The following RHCG variants were observed in gnomAD, a reference collection of about 807,000 sequenced individuals.
The protein encoded by RHCG is ammonium transporter Rh type C.
In RHCG, 39 loss-of-function variants were observed where a neutral mutation model predicts 55.3. That is an observed-to-expected ratio of 0.70 (90% CI 0.55 to 0.92). The LOEUF (loss-of-function observed/expected upper bound fraction) is 0.92. Ranked by LOEUF, RHCG falls within the 40% of genes least tolerant of loss-of-function variation. The probability of loss-of-function intolerance (pLI) is 0.00; values close to 1 mark genes in which losing one functional copy is unlikely to be tolerated. For synonymous variants in RHCG, 250 were observed against 246.8 expected, an observed-to-expected ratio of 1.01 and a Z score of -0.12; for missense variants, 635 against 627.9, an observed-to-expected ratio of 1.01 and a Z score of -0.12.
intron 9 of RHCG, among the ~76,000 whole-genome samples, chr15:89,476,460 C>G (rs1185234005): frequency 6.6e-6 from 1 of 152,148 alleles, no homozygotes; most frequent in Non-Finnish European, 1.5e-5. Context: ...CTGACTGAGT[C>G]TTTAGGGACA....
chr15:89,475,152 T>TG (rs1179332250), intron 9 of RHCG, among the ~76,000 whole-genome samples: 10 of 134,376 alleles, frequency 7.4e-5, no homozygotes, highest in Non-Finnish European at 1.5e-4. Context: ...CTTCATTCCT[T>TG]CCTTCCTTCC....
chr15:89,483,206 G>A lies in RHCG; in HGVS notation c.383C>T (p.Ala128Val). Reference sequence around the variant, plus strand: ...GCAGACAGAGGCCACGCAGAAGTCAGCGTTGATGAGGCTGTGGGGAGACAG... The same window carrying A: ...GCAGACAGAGGCCACGCAGAAGTCAACGTTGATGAGGCTGTGGGGAGACAG... ...IVVGVENLIN[A>V]DFCVASVCVA... The change falls in exon 3 of 11, where the codon GCT (alanine) becomes GTT (valine). Residue 128 changes from alanine (A) to valine (V), a missense_variant. Ala to Val is a moderately conservative substitution (Grantham distance 64). Coordinates refer to ENST00000268122, the MANE Select transcript of RHCG (RefSeq NM_016321.3). 6.3e-7 allele frequency: 1 copy of A among 1,575,470 alleles called. No individual in the cohort carries two copies. The highest frequency in any genetic ancestry group is 8.7e-7 in the Non-Finnish European group (1 of 1,149,492).
intron 3 of RHCG, among the ~76,000 whole-genome samples, chr15:89,482,717 C>A (rs560006773): frequency 6.6e-6 from 1 of 152,340 alleles, no homozygotes; most frequent in East Asian, 1.9e-4. Flanking sequence ...CTTCAATACA[C>A]CGGATTCCTT....
chr15:89,495,681 G>A (rs1018789222), intron 1 of RHCG, among the ~76,000 whole-genome samples: 1 of 152,114 alleles, frequency 6.6e-6, no homozygotes, highest in Non-Finnish European at 1.5e-5. Flanking sequence ...GCACTTCCTC[G>A]CCACAGCCTC....
At chr15:89,480,214 C>G in intron 4 of RHCG, 47 bp downstream of exon 4, 1 of 1,611,126 alleles carries the variant, frequency 6.2e-7, no homozygotes. Context: ...CCATCATGGC[C>G]ACCTTCACCC....
At chr15:89,474,804 G>GCCTT (rs1168116234) in intron 9 of RHCG, among the ~76,000 whole-genome samples, 1 of 88,080 alleles carries the variant, frequency 1.1e-5, no homozygotes, top group Non-Finnish European at 2.3e-5. Context: ...CTTCCTGCCT[G>GCCTT]CCTTCCTTCC....
Position 89,496,394 on chromosome 15 carries a change from C to A in RHCG, c.151G>T (p.Asp51Tyr), listed in dbSNP as rs1456218338. ...CGATAGTAGAATTCGTTCTCCATGT[C>A]GCTCAAGTTCTTGTGCGTCCTCTCT... ...WSERTHKNLS[D>Y]MENEFYYRYP... Residue 51 changes from aspartate to tyrosine, a missense_variant, in exon 1 of 11, where the codon GAC (aspartate) becomes TAC (tyrosine). Transcript: ENST00000268122. The A allele has an allele frequency of 1.2e-6, 2 of 1,613,914 alleles. No homozygotes were observed. Among genetic ancestry groups the A allele is most frequent in the East Asian group, 4.5e-5 (2 of 44,886 alleles).
chr15:89,495,297 T>A (rs1395622473), intron 1 of RHCG, among the ~76,000 whole-genome samples: 1 of 152,106 alleles, frequency 6.6e-6, no homozygotes, highest in Non-Finnish European at 1.5e-5. Context: ...TGTGCAGTTG[T>A]TTTCTTGGAG....
At chr15:89,472,239 C>T (rs1012054042) in intron 10 of RHCG, among the ~76,000 whole-genome samples, 1 of 152,138 alleles carries the variant, frequency 6.6e-6, no homozygotes, top group African/African-American at 2.4e-5. Flanking sequence ...GATGTGAAAG[C>T]CATGAGCAAG....
chr15:89,494,408 C>G (rs893719), intron 1 of RHCG, among the ~76,000 whole-genome samples: 4,427 of 152,212 alleles, frequency 0.029, 222 homozygotes, highest in African/African-American at 0.099. Flanking sequence ...AAATTACTAC[C>G]AGCACCACCT....
chr15:89,477,130 C>G lies in RHCG; in HGVS notation c.1189G>C (p.Gly397Arg), dbSNP rs2141889109. ...ARTQGKFQIY[G>R]LLVTLAMALM... The stretch of plus-strand genomic sequence containing the variant: ...GCCATGGCCAGGGTCACCAAGAGAC[C>G]ATAAATCTGGAACTTTCCCTGTGTT... Residue 397 changes from glycine to arginine, a missense_variant, in exon 8 of 11, where the codon GGT (glycine) becomes CGT (arginine). Gly to Arg is a moderately radical substitution (Grantham distance 125). Coordinates refer to ENST00000268122, the MANE Select transcript of RHCG (RefSeq NM_016321.3). The surrounding 1 kb of genome is among the most constrained non-coding windows in gnomAD (Gnocchi z 4.5). 1 of 1,614,060 alleles carries G rather than the reference C, an allele frequency of 6.2e-7. No homozygotes were observed. Among genetic ancestry groups the G allele is most frequent in the East Asian group, 2.2e-5 (1 of 44,856 alleles).
rs993769670 is a variant in RHCG, at chr15:89,475,176, TCCTG to T, written c.1311+1575_1311+1578del. ...TTCCTTCCTTCCTGCCTGCCTGCCT[TCCTG>T]CCTGCCTGCCTTCCTTCCTTCTTTC... On this transcript the variant is annotated intron_variant, in intron 9 of 10. Transcript: ENST00000268122. 1.2e-4 allele frequency among the ~76,000 whole-genome samples: 18 copies of T among 148,134 alleles called. 1 individual carries two copies. The highest frequency in any genetic ancestry group is 2.0e-4 in the Admixed American group (3 of 14,818).
chr15:89,477,325 G>A lies in RHCG; in HGVS notation c.1113-119C>T. Reference sequence around the variant, plus strand: ...TCAGCCTTCCCACCCACAACATGGGGACACCGGACATATCAGTTGGCCTCT... The same window carrying A: ...TCAGCCTTCCCACCCACAACATGGGAACACCGGACATATCAGTTGGCCTCT... On this transcript the variant is annotated intron_variant, in intron 7 of 10. Transcript: ENST00000268122. This position sits in a 1 kb window ranked among gnomAD's most constrained non-coding sequence, Gnocchi z 4.5. 6.9e-7 allele frequency: 1 copy of A among 1,443,972 alleles called. No homozygotes were observed. Among genetic ancestry groups the A allele is most frequent in the South Asian group, 1.3e-5 (1 of 79,240 alleles). 89.4% of individuals were successfully genotyped at this position (1,443,972 alleles called of 1,614,324 possible). A position where few individuals can be genotyped will look rare whatever the true frequency, so the allele number is the denominator to read the frequency against.
Position 89,477,747 on chromosome 15 carries a change from A to C in RHCG, c.975+90T>G. 6.2e-7 allele frequency: 1 copy of C among 1,603,564 alleles called. No individual in the cohort carries two copies. The highest frequency in any genetic ancestry group is 8.5e-7 in the Non-Finnish European group (1 of 1,172,520). ...AGAGACCCAGGATTCTCTAGCCCTC[A>C]GCCCCCTCCCTAGGAACCCTCAGCT... On this transcript the variant is annotated intron_variant, in intron 6 of 10. Transcript: ENST00000268122. The surrounding 1 kb of genome is among the most constrained non-coding windows in gnomAD (Gnocchi z 4.5).
chr15:89,495,309 T>C (rs1192806489), intron 1 of RHCG, among the ~76,000 whole-genome samples: 2 of 152,176 alleles, frequency 1.3e-5, no homozygotes, highest in Non-Finnish European at 2.9e-5. Flanking sequence ...TTCTTGGAGA[T>C]AGAGAATCCC....
chr15:89,474,722 A>ATTCCTTCCTGCCTGCC (rs1341925835), intron 9 of RHCG, among the ~76,000 whole-genome samples: 4 of 149,930 alleles, frequency 2.7e-5, no homozygotes, highest in Non-Finnish European at 4.4e-5. Context: ...GCCTTCGTTC[A>ATTCCTTCCTGCCTGCC]TTCCTTCCTG....
In RHCG at chr15:89,477,392, A is replaced by T; in HGVS notation, c.1112+125T>A. 7.0e-7 allele frequency: 1 copy of T among 1,430,656 alleles called. No homozygotes were observed. The highest frequency in any genetic ancestry group is 2.3e-4 in the Middle Eastern group (1 of 4,434). 88.6% of individuals were successfully genotyped at this position (1,430,656 alleles called of 1,614,324 possible). A position where few individuals can be genotyped will look rare whatever the true frequency, so the allele number is the denominator to read the frequency against. ...GAGTTTGGGGAGAGAGACCCATGAA[A>T]CAATTGGTCCAGAGTGGGGAAGGAA... On this transcript the variant is annotated intron_variant, in intron 7 of 10. Transcript: ENST00000268122. The surrounding 1 kb of genome is among the most constrained non-coding windows in gnomAD (Gnocchi z 4.5).
chr15:89,483,144 TG>T lies in RHCG; in HGVS notation c.444del (p.Ile149PhefsTer6). On this transcript the variant is annotated frameshift_variant, in exon 3 of 11. Transcript: ENST00000268122. LOFTEE classifies it high-confidence loss of function. ...AAGAAAGTCATGATGAGCAGCTGAA[TG>T]GGGCTGACTTTACCCAGAACTGCCC... ...AFGAVLGKVS[P>X]IQLLIMTFFQ... 6.2e-7 allele frequency: 1 copy of T among 1,607,792 alleles called. No individual in the cohort carries two copies. The highest frequency in any genetic ancestry group is 2.2e-5 in the East Asian group (1 of 44,684).
At chr15:89,494,916 G>A (rs928899157) in intron 1 of RHCG, among the ~76,000 whole-genome samples, 2 of 152,056 alleles carry the variant, frequency 1.3e-5, no homozygotes, top group African/African-American at 4.8e-5. Context: ...AAGCAAGTGC[G>A]GGAGGGAGGG....
Sources: allele counts gnomAD v4.1 joint callset (sites outside exome capture counted in the v4.1 genomes callset), GRCh38; gene constraint gnomAD v4.1.1; non-coding constraint Gnocchi (gnomAD v3.1); transcripts MANE v1.5; gene names NCBI Gene and HGNC (gene_info 2026-07-23, HGNC 2026-07-21).